PICALM: variants seen among roughly 807,000 people sequenced by gnomAD.
PICALM encodes the protein phosphatidylinositol-binding clathrin assembly protein.
In PICALM, 40 loss-of-function variants were observed where a neutral mutation model predicts 80.5. The observed-to-expected ratio is 0.50, with a 90% CI of 0.39 to 0.65. The LOEUF (loss-of-function observed/expected upper bound fraction) is 0.65, where lower values mean the gene tolerates loss of function less well. Ranked by LOEUF, PICALM falls within the 30% of genes least tolerant of loss-of-function variation. The pLI is 0.00. For missense variants in PICALM, 676 were observed against 778.9 expected (o/e 0.87, Z 1.57); for synonymous variants, 288 against 260.3 (o/e 1.11, Z -1.02).
At chr11:86,014,576 TTC>T (rs1215169174) in intron 5 of PICALM, among the ~76,000 whole-genome samples, 1 of 152,160 alleles carries the variant, frequency 6.6e-6, no homozygotes, top group Non-Finnish European at 1.5e-5. Flanking sequence ...CCTGTACATT[TTC>T]AAGATCTAAA....
In PICALM at chr11:86,068,830, G is replaced by A. The variant is rs757696175; in HGVS notation, c.-50C>T. On this transcript the variant is annotated 5_prime_UTR_variant, in exon 1 of 20. Transcript: ENST00000393346. ...CCCGCTCAGCAGCCGGCGGGGACTG[G>A]GACCCCCAAGAGCCGGAGGGTCCCC... 4 of 1,544,048 alleles carry A rather than the reference G, an allele frequency of 2.6e-6. No individual in the cohort carries two copies. Among genetic ancestry groups the A allele is most frequent in the South Asian group, 2.4e-5 (2 of 84,530 alleles).
At chr11:86,038,612 C>A (rs1405305073) in intron 1 of PICALM, among the ~76,000 whole-genome samples, 1 of 151,894 alleles carries the variant, frequency 6.6e-6, no homozygotes, top group African/African-American at 2.4e-5. Flanking sequence ...GAAACCCCAT[C>A]TCTACTAAAA....
chr11:85,974,308 A>G, intron 19 of PICALM: 1 of 217,360 alleles, frequency 4.6e-6, no homozygotes, highest in Non-Finnish European at 9.9e-6. Flanking sequence ...AGAGTTTCAC[A>G]AGCATCTCAA....
At chr11:85,960,339 G>GCAA (rs1185695901) in intron 19 of PICALM, among the ~76,000 whole-genome samples, 2 of 152,234 alleles carry the variant, frequency 1.3e-5, no homozygotes, top group Non-Finnish European at 2.9e-5. Flanking sequence ...CCAGCAAACA[G>GCAA]AGGCAGTGTG....
intron 8 of PICALM, among the ~76,000 whole-genome samples, chr11:86,004,784 C>G (rs2095242022): frequency 6.6e-6 from 1 of 152,112 alleles, no homozygotes; most frequent in African/African-American, 2.4e-5. Flanking sequence ...TTCTTTCATC[C>G]ACTATTCCCT....
chr11:86,047,337 ATCT>A (rs2096091325), intron 1 of PICALM, among the ~76,000 whole-genome samples: 4 of 152,262 alleles, frequency 2.6e-5, no homozygotes, highest in Non-Finnish European at 4.4e-5. Context: ...TGGCATAATC[ATCT>A]TCTTTGTGGC....
At chr11:86,021,317 T>A (rs938769286) in intron 4 of PICALM, among the ~76,000 whole-genome samples, 4 of 151,722 alleles carry the variant, frequency 2.6e-5, no homozygotes, top group Non-Finnish European at 5.9e-5. Context: ...TGCCACTGTC[T>A]CAAAAAGTGA....
At chr11:85,985,939 A>G (rs182681740) in intron 13 of PICALM, among the ~76,000 whole-genome samples, 1 of 152,318 alleles carries the variant, frequency 6.6e-6, no homozygotes, top group East Asian at 1.9e-4. Flanking sequence ...CCTATCCTTT[A>G]TAGTCACACA....
intron 1 of PICALM, among the ~76,000 whole-genome samples, chr11:86,055,460 A>G (rs2096254395): frequency 6.6e-6 from 1 of 151,524 alleles, no homozygotes; most frequent in African/African-American, 2.4e-5. Flanking sequence ...AATGTAAAAA[A>G]TATAAACTGG....
At chr11:86,037,605 G>A (rs372703689) in intron 1 of PICALM, among the ~76,000 whole-genome samples, 8 of 151,206 alleles carry the variant, frequency 5.3e-5, no homozygotes, top group South Asian at 2.1e-4. Flanking sequence ...AGGTTGAGGC[G>A]GGAAGATAGT....
intron 9 of PICALM, among the ~76,000 whole-genome samples, chr11:86,002,460 C>T (rs965420562): frequency 2.0e-5 from 3 of 152,162 alleles, no homozygotes; most frequent in Admixed American, 6.5e-5. Flanking sequence ...TAACCCAATA[C>T]AAAAATCATG....
chr11:86,059,732 A>C (rs1565596158), intron 1 of PICALM, among the ~76,000 whole-genome samples: 1 of 152,202 alleles, frequency 6.6e-6, no homozygotes, highest in Non-Finnish European at 1.5e-5. Flanking sequence ...ACTACACTCC[A>C]GCTTGGGTGA....
At chr11:86,014,060 A>G (rs2095441587) in intron 5 of PICALM, among the ~76,000 whole-genome samples, 1 of 152,240 alleles carries the variant, frequency 6.6e-6, no homozygotes, top group African/African-American at 2.4e-5. Context: ...TAGTCTATGA[A>G]ATACCTGTAA....
chr11:85,985,481 T>C (rs917111716), intron 13 of PICALM, among the ~76,000 whole-genome samples: 1 of 152,310 alleles, frequency 6.6e-6, no homozygotes, highest in African/African-American at 2.4e-5. Flanking sequence ...TAAACTACTA[T>C]TAAGTCAAAG....
In PICALM at chr11:85,983,851, A is replaced by T. The variant is rs770621107; in HGVS notation, c.1516+15T>A. ...AGGACATTATAATATTTTTAATAAA[A>T]TTTTTTTTCCTTACCCCCAGAATCT... is the stretch of plus-strand genomic sequence containing the variant. On this transcript the variant is annotated intron_variant, in intron 14 of 19. Transcript: ENST00000393346. 3.2e-4 allele frequency: 349 copies of T among 1,091,734 alleles called. No individual in the cohort carries two copies. The highest frequency in any genetic ancestry group is 4.5e-4 in the Non-Finnish European group (332 of 733,074). 67.6% of individuals were successfully genotyped at this position (1,091,734 alleles called of 1,614,324 possible).
In PICALM at chr11:86,020,421, T is replaced by TG. The variant is rs201436081; in HGVS notation, c.452+1945dup. Among the ~76,000 whole-genome samples the TG allele has an allele frequency of 8.3e-3, 656 of 78,816 alleles. 4 individuals are homozygous for TG. The highest frequency in any genetic ancestry group is 0.027 in the African/African-American group (545 of 20,214). 51.7% of individuals were successfully genotyped at this position (78,816 alleles called of 152,430 possible). A position where few individuals can be genotyped will look rare whatever the true frequency, so the allele number is the denominator to read the frequency against. On this transcript the variant is annotated intron_variant, in intron 4 of 19. Transcript: ENST00000393346. Reference sequence around the variant, plus strand: ...GGGCCCAGAACAGCTAAAACAATCTTGGGAAAAAAAAAAAAAAAAAAAGAA... The same window carrying TG: ...GGGCCCAGAACAGCTAAAACAATCTTGGGGAAAAAAAAAAAAAAAAAAAGAA...
chr11:85,985,997 T>G (rs2094560166), intron 13 of PICALM, among the ~76,000 whole-genome samples: 1 of 152,088 alleles, frequency 6.6e-6, no homozygotes, highest in South Asian at 2.1e-4. Flanking sequence ...TCTCCTGAGG[T>G]GCCTAGAGGT....
chr11:86,037,283 G>C (rs1397803557), intron 1 of PICALM, among the ~76,000 whole-genome samples: 2 of 114,468 alleles, frequency 1.7e-5, no homozygotes, highest in East Asian at 4.6e-4. Context: ...TTTTTGAGAC[G>C]GAGTCTCACT....
chr11:86,011,588 T>C (rs959546698), intron 6 of PICALM, among the ~76,000 whole-genome samples: 1 of 152,216 alleles, frequency 6.6e-6, no homozygotes, highest in African/African-American at 2.4e-5. Context: ...TATTGAAGAC[T>C]ATGCCTTCCA....
Sources: gnomAD v4.1 joint callset for allele counts (sites outside exome capture counted in the v4.1 genomes callset) on GRCh38, gnomAD v4.1.1 for gene constraint, MANE v1.5 for transcripts, NCBI Gene and HGNC (gene_info 2026-07-23, HGNC 2026-07-21) for gene names.